Variants in ZCWPW2 observed in about 807,000 individuals in gnomAD.
ZCWPW2 encodes the protein zinc finger CW-type and PWWP domain containing 2.
In ZCWPW2, 45 loss-of-function variants were observed where a neutral mutation model predicts 46.6. The ratio of observed to expected loss-of-function variants is 0.96; its 90% confidence interval spans 0.76 to 1.24. ZCWPW2 has a LOEUF of 1.24. Among genes scored for constraint, ZCWPW2 ranks in the 50% most tolerant of loss-of-function variants. The probability of loss-of-function intolerance (pLI) is 0.00; values close to 1 mark genes in which losing one functional copy is unlikely to be tolerated. For synonymous variants in ZCWPW2, 152 were observed against 137.1 expected (o/e 1.11, Z -0.76); for missense variants, 429 against 403.9 (o/e 1.06, Z -0.53).
chr3:28,492,015 T>C, intron 5 of ZCWPW2, 112 bp from the exon 6 acceptor site: 2 of 1,070,916 alleles, frequency 1.9e-6, no homozygotes, highest in Non-Finnish European at 2.7e-6. Context: ...GGGAACAAAA[T>C]ACTGTTACAA....
chr3:28,510,254 T>C (rs1700390582), intron 6 of ZCWPW2, among the ~76,000 whole-genome samples: 1 of 152,154 alleles, frequency 6.6e-6, no homozygotes, highest in East Asian at 1.9e-4. Context: ...CACCTTCTTT[T>C]AGCTACACCC....
chr3:28,409,122 CTTTTTTTTTTT>C (rs11328735), intron 2 of ZCWPW2, among the ~76,000 whole-genome samples: 1 of 82,326 alleles, frequency 1.2e-5, no homozygotes, highest in Non-Finnish European at 2.2e-5. Context: ...TTTTCTTTTT[CTTTTTTTTTTT>C]TTTTTTTTTT....
chr3:28,446,480 A>G (rs1443988587), intron 4 of ZCWPW2, among the ~76,000 whole-genome samples: 1 of 152,134 alleles, frequency 6.6e-6, no homozygotes, highest in Non-Finnish European at 1.5e-5. Flanking sequence ...TCTTAGAGAA[A>G]GTGAAAACAC....
chr3:28,381,668 T>G (rs1375014732), intron 1 of ZCWPW2, among the ~76,000 whole-genome samples: 1 of 152,140 alleles, frequency 6.6e-6, no homozygotes, highest in African/African-American at 2.4e-5. Context: ...ACGGCTGTAC[T>G]CCTAGCTAGT....
intron 4 of ZCWPW2, among the ~76,000 whole-genome samples, chr3:28,435,487 T>G (rs1461850836): frequency 7.0e-6 from 1 of 143,428 alleles, no homozygotes; most frequent in Non-Finnish European, 1.5e-5. Context: ...CTTTCTGTCT[T>G]TTTTTTTTTT....
intron 1 of ZCWPW2, among the ~76,000 whole-genome samples, chr3:28,352,461 C>T (rs1427264907): frequency 6.6e-6 from 1 of 151,992 alleles, no homozygotes; most frequent in Non-Finnish European, 1.5e-5. Context: ...CCCTCTCTCA[C>T]TGACAAATAT....
At chr3:28,381,560 A>T (rs1695107070) in intron 1 of ZCWPW2, among the ~76,000 whole-genome samples, 1 of 152,128 alleles carries the variant, frequency 6.6e-6, no homozygotes, top group African/African-American at 2.4e-5. Context: ...TTCAAGGGTC[A>T]ACTGCGTATG....
At chr3:28,368,086 T>G (rs775388739) in intron 1 of ZCWPW2, among the ~76,000 whole-genome samples, 1 of 152,184 alleles carries the variant, frequency 6.6e-6, no homozygotes, top group Non-Finnish European at 1.5e-5. Context: ...TGATGGGTCT[T>G]GCGTCTTTAT....
At chr3:28,430,774 T>C (rs1423993767) in intron 3 of ZCWPW2, among the ~76,000 whole-genome samples, 2 of 152,148 alleles carry the variant, frequency 1.3e-5, no homozygotes, top group African/African-American at 2.4e-5. Context: ...TTGATGGTTT[T>C]ATAAGGAGCT....
chr3:28,472,502 A>G (rs1165364811), intron 4 of ZCWPW2, among the ~76,000 whole-genome samples: 1 of 152,170 alleles, frequency 6.6e-6, no homozygotes, highest in Non-Finnish European at 1.5e-5. Context: ...AATGTTGCTG[A>G]GAAAACTGGA....
intron 6 of ZCWPW2, among the ~76,000 whole-genome samples, chr3:28,508,398 T>G (rs1272017417): frequency 6.6e-6 from 1 of 152,146 alleles, no homozygotes; most frequent in Non-Finnish European, 1.5e-5. Flanking sequence ...TTATCTCTGA[T>G]TGTGCTTTTT....
At chr3:28,413,438 T>G (rs923688006) in intron 3 of ZCWPW2, 38 bp downstream of exon 3, 1 of 1,506,598 alleles carries the variant, frequency 6.6e-7, no homozygotes, top group African/African-American at 1.4e-5. Context: ...TGAAATGTAG[T>G]CTTGCTAGGT....
At chr3:28,518,732 T>C (rs1273494165) in intron 8 of ZCWPW2, among the ~76,000 whole-genome samples, 1 of 152,204 alleles carries the variant, frequency 6.6e-6, no homozygotes, top group Non-Finnish European at 1.5e-5. Context: ...CGTTTTTTCT[T>C]TTACAGCATA....
At chr3:28,430,813 C>T (rs545427980) in intron 3 of ZCWPW2, among the ~76,000 whole-genome samples, 7 of 152,242 alleles carry the variant, frequency 4.6e-5, no homozygotes, top group Admixed American at 4.6e-4. Flanking sequence ...ACTTCTTTCA[C>T]TTCTCTCTCC....
At chr3:28,481,520 G>A (rs1295195237) in intron 5 of ZCWPW2, among the ~76,000 whole-genome samples, 1 of 152,166 alleles carries the variant, frequency 6.6e-6, no homozygotes, top group Non-Finnish European at 1.5e-5. Flanking sequence ...TGGGATCACA[G>A]GTGTGAGATA....
chr3:28,357,453 A>T (rs1704780180), intron 1 of ZCWPW2, among the ~76,000 whole-genome samples: 1 of 152,106 alleles, frequency 6.6e-6, no homozygotes, highest in Non-Finnish European at 1.5e-5. Context: ...GAGTGTCTTT[A>T]GATAAGATTA....
At chr3:28,409,384 T>C (rs1696307398) in intron 2 of ZCWPW2, among the ~76,000 whole-genome samples, 1 of 151,976 alleles carries the variant, frequency 6.6e-6, no homozygotes, top group Admixed American at 6.6e-5. Context: ...CCCCTCAAAG[T>C]GCTGGGATTA....
chr3:28,385,095 G>A lies in ZCWPW2; in HGVS notation c.-133-5403G>A, dbSNP rs141649446. Among the ~76,000 whole-genome samples the A allele has an allele frequency of 2.4e-3, 371 of 152,182 alleles. 1 individual carries two copies. The highest frequency in any genetic ancestry group is 8.1e-3 in the African/African-American group (338 of 41,488). ...ATGTTGAATTTCTCATGCTTTTGGG[G>A]GACATATTAAGATGATCATATGGTT... On this transcript the variant is annotated intron_variant, in intron 1 of 9. Coordinates refer to ENST00000383768, the MANE Select transcript of ZCWPW2 (RefSeq NM_001040432.4).
Position 28,447,877 on chromosome 3 carries a change from A to T in ZCWPW2, c.492+12608A>T. On this transcript the variant is annotated intron_variant, in intron 4 of 9. Transcript: ENST00000383768. ...ATCTGCATGTGGTGTGTGCCCAGGC[A>T]GACTTAGAGGGGTTCGTGCTGTGAG... The T allele has an allele frequency of 8.1e-6, 8 of 989,000 alleles. No homozygotes were observed. The South Asian group carries it at 1.0e-4, about 12-fold the overall frequency. 61.3% of individuals were successfully genotyped at this position (989,000 alleles called of 1,614,324 possible).
Sources: allele counts gnomAD v4.1 joint callset (sites outside exome capture counted in the v4.1 genomes callset), GRCh38; gene constraint gnomAD v4.1.1; transcripts MANE v1.5; gene names NCBI Gene and HGNC (gene_info 2026-07-23, HGNC 2026-07-21).